Variants in NIM1K observed in about 807,000 individuals in gnomAD.
NIM1K encodes the protein NIM1 serine/threonine protein kinase.
NIM1K carries 35 observed loss-of-function variants against 37.1 expected under a neutral mutation model. That is an observed-to-expected ratio of 0.94 (90% CI 0.72 to 1.25). The LOEUF is 1.25. NIM1K is among the 50% of genes most tolerant of loss of function. The pLI is 0.00. For missense variants in NIM1K, 564 were observed against 548.0 expected (o/e 1.03, Z -0.29); for synonymous variants, 234 against 206.6 (o/e 1.13, Z -1.14).
intron 1 of NIM1K, among the ~76,000 whole-genome samples, chr5:43,228,978 T>C (rs1752499616): frequency 6.6e-6 from 1 of 152,234 alleles, no homozygotes; most frequent in Admixed American, 6.5e-5. Context: ...ATATAGATGA[T>C]ACTGTTTTGT....
At chr5:43,229,663 G>A (rs1273904283) in intron 1 of NIM1K, among the ~76,000 whole-genome samples, 1 of 134,040 alleles carries the variant, frequency 7.5e-6, no homozygotes, top group East Asian at 2.2e-4. Flanking sequence ...TTGAGATGGA[G>A]TCTGGCTCTG....
At chr5:43,206,591 C>T (rs373866179) in intron 1 of NIM1K, 36 of 561,220 alleles carry the variant, frequency 6.4e-5, no homozygotes, top group Middle Eastern at 4.7e-4. Context: ...GAATAAGAAA[C>T]GAGCAAGTGC....
At chr5:43,258,670 A>T (rs557857588) in intron 2 of NIM1K, among the ~76,000 whole-genome samples, 1 of 152,214 alleles carries the variant, frequency 6.6e-6, no homozygotes, top group African/African-American at 2.4e-5. Context: ...CTCAAACTCC[A>T]GGGCTCGAGT....
chr5:43,193,865 G>T (rs1207734839), intron 1 of NIM1K, among the ~76,000 whole-genome samples: 2 of 152,174 alleles, frequency 1.3e-5, no homozygotes, highest in Non-Finnish European at 2.9e-5. Context: ...TTAGAAGCAG[G>T]AACTGTTCTC....
chr5:43,255,967 G>C (rs1274838917), intron 2 of NIM1K, among the ~76,000 whole-genome samples: 7 of 151,834 alleles, frequency 4.6e-5, no homozygotes, highest in Non-Finnish European at 7.4e-5. Context: ...CAGTACTCTT[G>C]AAACAGCTGA....
intron 1 of NIM1K, among the ~76,000 whole-genome samples, chr5:43,217,158 T>C (rs1752311910): frequency 3.9e-5 from 6 of 152,206 alleles, no homozygotes; most frequent in Admixed American, 3.9e-4. Context: ...CAGTCAACCA[T>C]GAATCTACTT....
intron 2 of NIM1K, among the ~76,000 whole-genome samples, chr5:43,265,405 G>T (rs753311725): frequency 6.6e-5 from 10 of 151,892 alleles, no homozygotes; most frequent in Non-Finnish European, 1.3e-4. Context: ...CCATTTGATC[G>T]AATTGGCTAC....
At chr5:43,192,767 A>G (rs1751852259) in intron 1 of NIM1K, 1 of 152,236 alleles carries the variant, frequency 6.6e-6, no homozygotes, top group South Asian at 2.1e-4. Context: ...TATGGTGTGG[A>G]CACTCGTGTC....
chr5:43,250,201 C>T (rs1209698907), intron 2 of NIM1K, among the ~76,000 whole-genome samples: 1 of 151,956 alleles, frequency 6.6e-6, no homozygotes, highest in African/African-American at 2.4e-5. Flanking sequence ...GCTCCATGAA[C>T]ACTATGATTT....
At chr5:43,243,723 T>G (rs906812017) in intron 1 of NIM1K, among the ~76,000 whole-genome samples, 4 of 152,166 alleles carry the variant, frequency 2.6e-5, no homozygotes, top group African/African-American at 9.7e-5. Context: ...TCACCCAGGC[T>G]GGAGTACAGT....
At chr5:43,209,674 A>G (rs1442404496) in intron 1 of NIM1K, among the ~76,000 whole-genome samples, 1 of 151,906 alleles carries the variant, frequency 6.6e-6, no homozygotes, top group Non-Finnish European at 1.5e-5. Context: ...GCTGGAGTGC[A>G]GTGGCGTGAT....
intron 2 of NIM1K, among the ~76,000 whole-genome samples, chr5:43,275,513 T>G (rs553406674): frequency 3.9e-5 from 6 of 152,346 alleles, no homozygotes; most frequent in African/African-American, 1.4e-4. Context: ...TTGTACCAAT[T>G]AATGCTCCCG....
At position 43,192,427 on chromosome 5, in the gene NIM1K, G is replaced by T. The variant is rs1380629526; in HGVS notation, c.-695+16G>T. 2 of 152,320 alleles carry T rather than the reference G, an allele frequency of 1.3e-5. No individual in the cohort carries two copies. Among genetic ancestry groups the T allele is most frequent in the Non-Finnish European group, 2.9e-5 (2 of 68,146 alleles). The allele number at this position is 152,320 out of a possible 1,614,324, so 9.4% of individuals were successfully genotyped here. A position where few individuals can be genotyped will look rare whatever the true frequency, so the allele number is the denominator to read the frequency against. Reference sequence around the variant, plus strand: ...CGCCACGAAGGTAAGCGAGGGGCTGGGGGACTCGCCGCCAGCACCCCCACC... The same window carrying T: ...CGCCACGAAGGTAAGCGAGGGGCTGTGGGACTCGCCGCCAGCACCCCCACC... On this transcript the variant is annotated intron_variant, in intron 1 of 3. Transcript: ENST00000326035.
chr5:43,233,424 GT>G (rs1241541918), intron 1 of NIM1K, among the ~76,000 whole-genome samples: 5 of 152,130 alleles, frequency 3.3e-5, no homozygotes, highest in African/African-American at 7.2e-5. Flanking sequence ...CTTATTCTGT[GT>G]GAAGGGATCA....
At chr5:43,256,716 A>G (rs1270398136) in intron 2 of NIM1K, among the ~76,000 whole-genome samples, 2 of 152,170 alleles carry the variant, frequency 1.3e-5, no homozygotes, top group Admixed American at 1.3e-4. Context: ...TACAGAATGC[A>G]CTTCCTGGTG....
At chr5:43,207,432 A>C (rs779480403) in intron 1 of NIM1K, 5 of 854,882 alleles carry the variant, frequency 5.8e-6, no homozygotes, top group Non-Finnish European at 1.0e-5. Flanking sequence ...GGAGACTGCT[A>C]TCAGGTTCTA....
chr5:43,249,850 G>GTT (rs70994677), intron 2 of NIM1K, among the ~76,000 whole-genome samples: 1,549 of 116,144 alleles, frequency 0.013, 54 homozygotes, highest in African/African-American at 0.024. Flanking sequence ...GTATGGATTA[G>GTT]TTTTTTTTTT....
intron 1 of NIM1K, among the ~76,000 whole-genome samples, chr5:43,213,349 T>C (rs1307637921): frequency 1.4e-5 from 2 of 147,684 alleles, no homozygotes; most frequent in Non-Finnish European, 3.0e-5. Context: ...TCTTTTCTAG[T>C]TGGAGTCTCA....
In NIM1K at chr5:43,280,532, C is replaced by G. The variant is rs773208490; in HGVS notation, c.1114C>G (p.Arg372Gly). The G allele has an allele frequency of 6.2e-7, 1 of 1,613,946 alleles. No individual in the cohort carries two copies. The highest frequency in any genetic ancestry group is 1.3e-5 in the African/African-American group (1 of 74,910). Residue 372 changes from arginine to glycine, a missense_variant, in exon 4 of 4, where the codon CGA (arginine) becomes GGA (glycine). Transcript: ENST00000326035. Reference protein sequence around the residue: ...EHLGITEEHIRNNQGRDARSS... With the variant: ...EHLGITEEHIGNNQGRDARSS... ...TTTGGGCATTACAGAAGAGCATATT[C>G]GAAATAACCAAGGGAGAGATGCTCG... is the stretch of plus-strand genomic sequence containing the variant.
Sources: allele counts gnomAD v4.1 joint callset (sites outside exome capture counted in the v4.1 genomes callset), GRCh38; gene constraint gnomAD v4.1.1; transcripts MANE v1.5; gene names NCBI Gene and HGNC (gene_info 2026-07-23, HGNC 2026-07-21).